ANKS1B: variants seen among roughly 807,000 people sequenced by gnomAD.
ANKS1B encodes ankyrin repeat and sterile alpha motif domain containing 1B.
A neutral mutation model predicts 148.3 loss-of-function variants in ANKS1B; 36 were observed. The observed-to-expected ratio is 0.24, with a 90% CI of 0.19 to 0.32. The LOEUF is 0.32. ANKS1B is among the 10% of genes least tolerant of loss of function. ANKS1B has a pLI of 1.00. For missense variants in ANKS1B, 1,157 were observed against 1,542.6 expected (o/e 0.75, Z 4.19); for synonymous variants, 542 against 560.8 (o/e 0.97, Z 0.47).
chr12:99,240,553 C>A (rs1422578131), intron 14 of ANKS1B, among the ~76,000 whole-genome samples: 1 of 152,162 alleles, frequency 6.6e-6, no homozygotes, highest in Admixed American at 6.5e-5. Context: ...CAGCTCTGGA[C>A]CAAGCGGACA....
chr12:98,939,218 T>C (rs1235114582), intron 17 of ANKS1B, among the ~76,000 whole-genome samples: 1 of 152,234 alleles, frequency 6.6e-6, no homozygotes, highest in African/African-American at 2.4e-5. Flanking sequence ...GTTGTCAACA[T>C]TGGATTTTCT....
intron 14 of ANKS1B, among the ~76,000 whole-genome samples, chr12:99,193,650 ATACTTCTT>A: frequency 6.6e-6 from 1 of 152,036 alleles, no homozygotes; most frequent in South Asian, 2.1e-4. Flanking sequence ...TGAGGAAAAG[ATACTTCTT>A]TTTCTTTCCT....
intron 1 of ANKS1B, among the ~76,000 whole-genome samples, chr12:99,836,488 A>G (rs1235008110): frequency 1.3e-5 from 2 of 152,142 alleles, no homozygotes; most frequent in Non-Finnish European, 2.9e-5. Flanking sequence ...TTCTCAATAC[A>G]TGTATTTTTA....
intron 12 of ANKS1B, among the ~76,000 whole-genome samples, chr12:99,393,629 C>T (rs73151163): frequency 0.14 from 21,763 of 152,162 alleles, 1,714 homozygotes; most frequent in African/African-American, 0.2. Flanking sequence ...GCTAACTCAG[C>T]TGCTCAGTCC....
At chr12:99,567,405 C>G (rs752814718) in intron 9 of ANKS1B, among the ~76,000 whole-genome samples, 1 of 152,066 alleles carries the variant, frequency 6.6e-6, no homozygotes, top group Non-Finnish European at 1.5e-5. Flanking sequence ...CCCTCTGAGT[C>G]AGGAAAAAAC....
At chr12:98,756,742 T>G (rs2098255822) in intron 25 of ANKS1B, among the ~76,000 whole-genome samples, 1 of 150,662 alleles carries the variant, frequency 6.6e-6, no homozygotes, top group South Asian at 2.1e-4. Context: ...TTTTTTTTTT[T>G]TTGAGATGGA....
At chr12:98,842,074 A>G (rs1021677980) in intron 17 of ANKS1B, among the ~76,000 whole-genome samples, 2 of 152,096 alleles carry the variant, frequency 1.3e-5, no homozygotes, top group Non-Finnish European at 2.9e-5. Flanking sequence ...CTAGCTAGCA[A>G]CTCCTAGCTA....
intron 8 of ANKS1B, among the ~76,000 whole-genome samples, chr12:99,742,327 A>C (rs891112124): frequency 6.6e-6 from 1 of 152,114 alleles, no homozygotes; most frequent in Non-Finnish European, 1.5e-5. Context: ...TTGAAATATC[A>C]AAACATTCCC....
chr12:99,344,320 G>A (rs1239849820), intron 12 of ANKS1B, among the ~76,000 whole-genome samples: 3 of 151,982 alleles, frequency 2.0e-5, no homozygotes, highest in African/African-American at 7.2e-5. Context: ...CCCTGTTTCT[G>A]ACAAGCATAT....
At chr12:98,875,516 C>T (rs547942539) in intron 17 of ANKS1B, among the ~76,000 whole-genome samples, 1 of 152,280 alleles carries the variant, frequency 6.6e-6, no homozygotes, top group South Asian at 2.1e-4. Flanking sequence ...GTTTGCCTGT[C>T]TACCCCTCCT....
At chr12:99,821,628 G>A (rs2082513083) in intron 2 of ANKS1B, among the ~76,000 whole-genome samples, 2 of 151,976 alleles carry the variant, frequency 1.3e-5, no homozygotes, top group Admixed American at 6.6e-5. Flanking sequence ...ATTACTTTAA[G>A]AAGTGCTTAC....
At chr12:99,725,033 T>TACCAG (rs1426951603) in intron 8 of ANKS1B, among the ~76,000 whole-genome samples, 3 of 152,222 alleles carry the variant, frequency 2.0e-5, no homozygotes, top group East Asian at 3.9e-4. Flanking sequence ...GAACAACTGG[T>TACCAG]ACCAGCCATT....
At chr12:99,289,538 GA>G (rs2079614131) in intron 12 of ANKS1B, among the ~76,000 whole-genome samples, 1 of 151,786 alleles carries the variant, frequency 6.6e-6, no homozygotes, top group African/African-American at 2.4e-5. Context: ...AAGTCTTAAA[GA>G]ATTAAAAAAT....
intron 14 of ANKS1B, among the ~76,000 whole-genome samples, chr12:99,226,048 A>G (rs1404704753): frequency 6.6e-6 from 1 of 152,040 alleles, no homozygotes; most frequent in Non-Finnish European, 1.5e-5. Flanking sequence ...TTTTACTGTA[A>G]TTATATCTTT....
At chr12:98,933,562 T>A (rs77008417) in intron 17 of ANKS1B, among the ~76,000 whole-genome samples, 3 of 152,124 alleles carry the variant, frequency 2.0e-5, no homozygotes, top group African/African-American at 7.2e-5. Flanking sequence ...TTGTTTTTTT[T>A]AAGAAACATC....
At chr12:99,296,786 C>T (rs988661015) in intron 12 of ANKS1B, among the ~76,000 whole-genome samples, 1 of 152,024 alleles carries the variant, frequency 6.6e-6, no homozygotes, top group Non-Finnish European at 1.5e-5. Context: ...AAATATTTGT[C>T]GAATGATTGA....
intron 1 of ANKS1B, among the ~76,000 whole-genome samples, chr12:99,919,337 C>T (rs2094277034): frequency 6.6e-6 from 1 of 152,078 alleles, no homozygotes; most frequent in South Asian, 2.1e-4. Flanking sequence ...TGCAAAGTGC[C>T]TAGTGTACCA....
chr12:99,215,585 C>A (rs1475415779), intron 14 of ANKS1B, among the ~76,000 whole-genome samples: 10 of 152,178 alleles, frequency 6.6e-5, no homozygotes, highest in Admixed American at 6.5e-4. Context: ...TATCAGTGTG[C>A]CCTAGATATG....
chr12:99,839,632 A>G (rs2085388027), intron 1 of ANKS1B, among the ~76,000 whole-genome samples: 1 of 152,096 alleles, frequency 6.6e-6, no homozygotes, highest in Admixed American at 6.6e-5. Context: ...TATGTGCCAG[A>G]TATCATTCTA....
Sources: allele counts gnomAD v4.1 joint callset (sites outside exome capture counted in the v4.1 genomes callset), GRCh38; gene constraint gnomAD v4.1.1; transcripts MANE v1.5; gene names NCBI Gene and HGNC (gene_info 2026-07-23, HGNC 2026-07-21).